CADM2: variants seen among roughly 807,000 people sequenced by gnomAD.
CADM2 encodes the protein cell adhesion molecule 2.
In CADM2, 12 loss-of-function variants were observed where a neutral mutation model predicts 49.8. That is an observed-to-expected ratio of 0.24 (90% CI 0.15 to 0.39). CADM2 has a LOEUF of 0.39. CADM2 is among the 10% of genes least tolerant of loss of function. The pLI, the probability that CADM2 is intolerant of heterozygous loss-of-function variation, is 1.00. For missense variants in CADM2, 378 were observed against 492.3 expected, an observed-to-expected ratio of 0.77 and a Z score of 2.20; for synonymous variants, 214 against 175.4, an observed-to-expected ratio of 1.22 and a Z score of -1.74.
At chr3:86,015,622 A>AGC (rs1732128800) in intron 8 of CADM2, among the ~76,000 whole-genome samples, 1 of 152,210 alleles carries the variant, frequency 6.6e-6, no homozygotes, top group African/African-American at 2.4e-5. Flanking sequence ...CCAAACAAGG[A>AGC]TTTCAGTGCA....
chr3:85,235,259 T>C (rs2042384702), intron 1 of CADM2, among the ~76,000 whole-genome samples: 1 of 152,182 alleles, frequency 6.6e-6, no homozygotes, highest in Admixed American at 6.6e-5. Flanking sequence ...AATTATTTGC[T>C]ATATTGCCTT....
intron 2 of CADM2, among the ~76,000 whole-genome samples, chr3:85,733,221 G>C (rs1393065326): frequency 6.6e-6 from 1 of 152,208 alleles, no homozygotes; most frequent in East Asian, 1.9e-4. Context: ...AGATGAGTAA[G>C]GTTCTAGAAA....
chr3:85,118,799 G>A (rs1353599857), intron 1 of CADM2, among the ~76,000 whole-genome samples: 1 of 152,064 alleles, frequency 6.6e-6, no homozygotes, highest in African/African-American at 2.4e-5. Flanking sequence ...GACCAGGCTG[G>A]AGTGCAATGG....
chr3:85,876,009 C>A (rs139607315), intron 3 of CADM2, among the ~76,000 whole-genome samples: 1 of 152,246 alleles, frequency 6.6e-6, no homozygotes, highest in East Asian at 1.9e-4. Context: ...AGCACATGCA[C>A]TGAGGCTAAG....
At chr3:85,727,169 T>G (rs2107785090) in intron 2 of CADM2, among the ~76,000 whole-genome samples, 1 of 152,240 alleles carries the variant, frequency 6.6e-6, no homozygotes, top group East Asian at 1.9e-4. Flanking sequence ...TGATACTGTA[T>G]CATAGACCTA....
At chr3:85,031,722 G>T (rs1486596405) in intron 1 of CADM2, among the ~76,000 whole-genome samples, 1 of 151,734 alleles carries the variant, frequency 6.6e-6, no homozygotes, top group East Asian at 1.9e-4. Flanking sequence ...GGGTTTCACA[G>T]TGTTAGCCAG....
At chr3:85,659,171 C>G (rs1482611857) in intron 1 of CADM2, among the ~76,000 whole-genome samples, 1 of 151,592 alleles carries the variant, frequency 6.6e-6, no homozygotes, top group Non-Finnish European at 1.5e-5. Flanking sequence ...GTTTTCCTGT[C>G]TGTGTCTTAC....
intron 1 of CADM2, among the ~76,000 whole-genome samples, chr3:85,529,546 A>G (rs896304734): frequency 6.6e-6 from 1 of 152,192 alleles, no homozygotes; most frequent in Non-Finnish European, 1.5e-5. Flanking sequence ...ACTTAAAACC[A>G]TAAGTTTTAT....
At chr3:85,811,886 A>G (rs1178177532) in intron 3 of CADM2, among the ~76,000 whole-genome samples, 8 of 112,626 alleles carry the variant, frequency 7.1e-5, no homozygotes, top group African/African-American at 2.8e-4. Flanking sequence ...GTGATACTTT[A>G]GATTCCCCAT....
intron 8 of CADM2, chr3:85,994,270 C>G (rs1729105425): frequency 6.6e-6 from 1 of 152,168 alleles, no homozygotes; most frequent in Non-Finnish European, 1.5e-5. Flanking sequence ...GCCTTATGAA[C>G]CAACCTCCAC....
rs573982959 is a variant in CADM2 at position 85,852,802 on chromosome 3, T to C, written c.239-30489T>C. On this transcript the variant is annotated intron_variant, in intron 3 of 9. Transcript: ENST00000383699. ...ACCTATACACTTTGAATTATACTTA[T>C]TTGCTTACAGATGATTTACTCTTTC... 1.5e-3 allele frequency among the ~76,000 whole-genome samples: 222 copies of C among 152,186 alleles called. 3 individuals carry two copies. The highest frequency in any genetic ancestry group is 5.3e-3 in the African/African-American group (219 of 41,572).
chr3:85,434,842 A>T (rs1576547606), intron 1 of CADM2, among the ~76,000 whole-genome samples: 1 of 152,114 alleles, frequency 6.6e-6, no homozygotes, highest in East Asian at 1.9e-4. Context: ...TTAAAAGCTA[A>T]GTAGTACCTC....
chr3:85,836,675 T>C (rs901470262), intron 3 of CADM2, among the ~76,000 whole-genome samples: 1 of 151,580 alleles, frequency 6.6e-6, no homozygotes, highest in African/African-American at 2.4e-5. Context: ...GTAATTTATG[T>C]TGTGCACTGA....
rs1283665018 is a variant in CADM2 at position 85,292,646 on chromosome 3, C to T, written c.61+332978C>T. ...CAGGATTAAGAATCTCACTCAAAAC[C>T]GCTCAACTACATGGAAACTGAACAA... On this transcript the variant is annotated intron_variant, in intron 1 of 9. Coordinates refer to ENST00000383699, the MANE Select transcript of CADM2 (RefSeq NM_001167675.2). 2.4e-4 allele frequency among the ~76,000 whole-genome samples: 36 copies of T among 151,044 alleles called. No homozygotes were observed. The East Asian group carries it at 2.5e-3, about 11-fold the overall frequency.
intron 3 of CADM2, among the ~76,000 whole-genome samples, chr3:85,802,842 A>C (rs2072137144): frequency 6.6e-6 from 1 of 152,116 alleles, no homozygotes; most frequent in African/African-American, 2.4e-5. Flanking sequence ...AATGCACACA[A>C]ATGTCTAAGC....
intron 1 of CADM2, among the ~76,000 whole-genome samples, chr3:85,460,843 T>C (rs1331742271): frequency 1.3e-5 from 2 of 152,028 alleles, no homozygotes; most frequent in African/African-American, 4.8e-5. Context: ...TTAATGTATT[T>C]GCCCCATGGA....
At chr3:85,040,369 G>C (rs1179162867) in intron 1 of CADM2, among the ~76,000 whole-genome samples, 1 of 152,078 alleles carries the variant, frequency 6.6e-6, no homozygotes, top group Non-Finnish European at 1.5e-5. Flanking sequence ...TTGTTTATTT[G>C]TTTGTTTTAA....
At chr3:85,390,705 C>T (rs1367362331) in intron 1 of CADM2, among the ~76,000 whole-genome samples, 1 of 152,054 alleles carries the variant, frequency 6.6e-6, no homozygotes, top group Non-Finnish European at 1.5e-5. Flanking sequence ...CATTTCAGTT[C>T]ATAGCCAACA....
intron 3 of CADM2, among the ~76,000 whole-genome samples, chr3:85,811,857 G>GTTT (rs754800114): frequency 4.3e-4 from 50 of 115,424 alleles, no homozygotes; most frequent in African/African-American, 1.3e-3. Flanking sequence ...ATGCCTTGAT[G>GTTT]TTTTTTTTTT....
Sources: gnomAD v4.1 joint callset for allele counts (sites outside exome capture counted in the v4.1 genomes callset) on GRCh38, gnomAD v4.1.1 for gene constraint, MANE v1.5 for transcripts, NCBI Gene and HGNC (gene_info 2026-07-23, HGNC 2026-07-21) for gene names.